ROCK2: variants seen among roughly 807,000 people sequenced by gnomAD.
The protein encoded by ROCK2 is rho-associated protein kinase 2.
In ROCK2, 61 loss-of-function variants were observed where a neutral mutation model predicts 195.1. The observed-to-expected ratio is 0.31, with a 90% confidence interval of 0.25 to 0.39. The LOEUF is 0.39. Ranked by LOEUF, ROCK2 falls within the 10% of genes least tolerant of loss-of-function variation. The pLI, the probability that ROCK2 is intolerant of heterozygous loss-of-function variation, is 1.00. For synonymous variants in ROCK2, 504 were observed against 545.5 expected, an observed-to-expected ratio of 0.92 and a Z score of 1.06; for missense variants, 1,109 against 1,637.4, an observed-to-expected ratio of 0.68 and a Z score of 5.57.
At chr2:11,340,065 C>T (rs936054416) in intron 1 of ROCK2, among the ~76,000 whole-genome samples, 2 of 152,188 alleles carry the variant, frequency 1.3e-5, no homozygotes, top group Non-Finnish European at 2.9e-5. Context: ...TATTTATTTA[C>T]AGCTACTGAA....
At chr2:11,199,219 T>C (rs546899075) in intron 23 of ROCK2, among the ~76,000 whole-genome samples, 42 of 152,280 alleles carry the variant, frequency 2.8e-4, no homozygotes, top group Middle Eastern at 6.8e-3. Context: ...GAAGTTTTAC[T>C]GTAAATTACG....
At chr2:11,185,168 T>C (rs1320914713) in intron 32 of ROCK2, among the ~76,000 whole-genome samples, 1 of 152,206 alleles carries the variant, frequency 6.6e-6, no homozygotes, top group Non-Finnish European at 1.5e-5. Context: ...AGTTTTTCCA[T>C]CATAGCACCA....
rs570776900 is a variant in ROCK2 at position 11,282,689 on chromosome 2, A to G, written c.324+3850T>C. 2.0e-5 allele frequency among the ~76,000 whole-genome samples: 3 copies of G among 151,896 alleles called. No homozygotes were observed. The East Asian group carries it at 5.8e-4, about 29-fold the overall frequency. Reference sequence around the variant, plus strand: ...AGAAAACCTAAATTATCTTGATTAGAGCAATGGTTTTTTAGATATAGCACC... The same window carrying G: ...AGAAAACCTAAATTATCTTGATTAGGGCAATGGTTTTTTAGATATAGCACC... On this transcript the variant is annotated intron_variant, in intron 3 of 32. Coordinates refer to ENST00000315872, the MANE Select transcript of ROCK2 (RefSeq NM_004850.5).
chr2:11,181,098 T>A lies in ROCK2; in HGVS notation c.*2339A>T, dbSNP rs1402581396. ...TCTAATATATACAGCATTCCAAATTTAAACTTTTGCCTTTTTTACTCAAAT... is the reference window on the plus strand; with the variant it reads ...TCTAATATATACAGCATTCCAAATTAAAACTTTTGCCTTTTTTACTCAAAT... On this transcript the variant is annotated 3_prime_UTR_variant, in exon 33 of 33. Transcript: ENST00000315872. The A allele has an allele frequency of 2.6e-5, 4 of 151,100 alleles. No homozygotes were observed. The highest frequency in any genetic ancestry group is 1.3e-4 in the Admixed American group (2 of 15,088). The allele number at this position is 151,100 out of a possible 1,614,324, so 9.4% of individuals were successfully genotyped here.
intron 1 of ROCK2, among the ~76,000 whole-genome samples, chr2:11,290,730 T>C (rs1031145211): frequency 6.6e-6 from 1 of 152,078 alleles, no homozygotes; most frequent in Non-Finnish European, 1.5e-5. Flanking sequence ...TGACTGATAA[T>C]TAAAAGGGCC....
At chr2:11,259,449 T>G (rs1666146576) in intron 3 of ROCK2, among the ~76,000 whole-genome samples, 1 of 150,604 alleles carries the variant, frequency 6.6e-6, no homozygotes, top group Non-Finnish European at 1.5e-5. Flanking sequence ...TTAAAATACT[T>G]CTGGATTCAA....
rs991188094 is a variant in ROCK2, at chr2:11,182,047, A to G, written c.*1390T>C. The G allele has an allele frequency of 2.6e-5, 4 of 152,092 alleles. No individual in the cohort carries two copies. Among genetic ancestry groups the G allele is most frequent in the African/African-American group, 7.2e-5 (3 of 41,426 alleles). 9.4% of individuals were successfully genotyped at this position (152,092 alleles called of 1,614,324 possible). On this transcript the variant is annotated 3_prime_UTR_variant, in exon 33 of 33. Coordinates refer to ENST00000315872, the MANE Select transcript of ROCK2 (RefSeq NM_004850.5). ...ACAAAAAAAAAACTTTACGCTTACC[A>G]TTGCTGCATATTGTTGCAGTATAAA...
chr2:11,200,485 G>A (rs758937896), intron 23 of ROCK2, among the ~76,000 whole-genome samples: 1 of 152,130 alleles, frequency 6.6e-6, no homozygotes, highest in Non-Finnish European at 1.5e-5. Context: ...TGTATGTGCA[G>A]AAATCTTTCT....
intron 3 of ROCK2, among the ~76,000 whole-genome samples, chr2:11,254,238 C>T (rs1384470930): frequency 1.3e-5 from 2 of 152,140 alleles, no homozygotes; most frequent in Non-Finnish European, 2.9e-5. Flanking sequence ...GTAAAATAAA[C>T]ACAAGACTGT....
At position 11,181,181 on chromosome 2, in the gene ROCK2, A is replaced by AATATATATATAT. The variant is rs71393855; in HGVS notation, c.*2244_*2255dup. 4.4e-5 allele frequency: 6 copies of AATATATATATAT among 136,160 alleles called. No homozygotes were observed. The highest frequency in any genetic ancestry group is 7.6e-5 in the Admixed American group (1 of 13,224). 8.4% of individuals were successfully genotyped at this position (136,160 alleles called of 1,614,324 possible). ...TTTCACCTTAATAAAGTTTATTAAA[A>AATATATATATAT]ATATATATATATATATATATATATA... is the stretch of plus-strand genomic sequence containing the variant. On this transcript the variant is annotated 3_prime_UTR_variant, in exon 33 of 33. Coordinates refer to ENST00000315872, the MANE Select transcript of ROCK2 (RefSeq NM_004850.5).
chr2:11,275,748 G>A (rs1367300968), intron 3 of ROCK2, among the ~76,000 whole-genome samples: 2 of 140,858 alleles, frequency 1.4e-5, no homozygotes, highest in East Asian at 4.1e-4. Flanking sequence ...CACCCAGGCT[G>A]GAGTACAGTG....
intron 1 of ROCK2, among the ~76,000 whole-genome samples, chr2:11,333,595 G>A (rs916898519): frequency 1.3e-5 from 2 of 152,146 alleles, no homozygotes; most frequent in South Asian, 2.1e-4. Context: ...AAACCAGAAT[G>A]CTTAATACCT....
At position 11,215,049 on chromosome 2, in the gene ROCK2, T is replaced by G; in HGVS notation, c.1727A>C (p.Asp576Ala). Residue 576 changes from aspartate to alanine, a missense_variant, in exon 16 of 33, where the codon GAT (aspartate) becomes GCT (alanine). Asp to Ala is a moderately radical substitution (Grantham distance 126, BLOSUM62 -2). Coordinates refer to ENST00000315872, the MANE Select transcript of ROCK2 (RefSeq NM_004850.5). ...GGTTTTCCTTAACCGGGCTGCAGTA[T>G]CAGACTCTGTTCGCAGTAAAGCATT... ...ETNALLRTES[D>A]TAARLRKTQA... 6.2e-7 allele frequency: 1 copy of G among 1,614,142 alleles called. No individual in the cohort carries two copies. Among genetic ancestry groups the G allele is most frequent in the Non-Finnish European group, 8.5e-7 (1 of 1,180,000 alleles).
rs929383426 is a variant in ROCK2, at chr2:11,201,202, T to C, written c.2724-59A>G. Reference sequence around the variant, plus strand: ...AGTTTTCACTATGAAGTGAAAGTTTTTGTCTAATTCACTTCATCAATAATT... The same window carrying C: ...AGTTTTCACTATGAAGTGAAAGTTTCTGTCTAATTCACTTCATCAATAATT... On this transcript the variant is annotated intron_variant, in intron 22 of 32. Coordinates refer to ENST00000315872, the MANE Select transcript of ROCK2 (RefSeq NM_004850.5). The surrounding 1 kb of genome is among the most constrained non-coding windows in gnomAD (Gnocchi z 4.6). The C allele has an allele frequency of 1.9e-6, 3 of 1,550,574 alleles. No individual in the cohort carries two copies. The highest frequency in any genetic ancestry group is 2.6e-6 in the Non-Finnish European group (3 of 1,142,012).
intron 32 of ROCK2, among the ~76,000 whole-genome samples, chr2:11,188,254 C>T (rs779435731): frequency 1.3e-4 from 20 of 151,756 alleles, no homozygotes; most frequent in Non-Finnish European, 1.9e-4. Context: ...GGATTACAGG[C>T]GCCTGACACC....
At chr2:11,276,773 A>T (rs1666841231) in intron 3 of ROCK2, among the ~76,000 whole-genome samples, 1 of 152,172 alleles carries the variant, frequency 6.6e-6, no homozygotes, top group South Asian at 2.1e-4. Context: ...GCTTGTCTGT[A>T]TGTGTACTGG....
chr2:11,211,531 C>A, intron 18 of ROCK2, 150 bp downstream of exon 18: 1 of 623,884 alleles, frequency 1.6e-6, no homozygotes, highest in Non-Finnish European at 2.5e-6. Context: ...AATAGAATAT[C>A]TATGTAAAGC....
At chr2:11,282,607 C>CAAAAAAAAAAAAAAAAAAAAAAAAAAA (rs70953381) in intron 3 of ROCK2, among the ~76,000 whole-genome samples, 21 of 123,352 alleles carry the variant, frequency 1.7e-4, no homozygotes, top group Non-Finnish European at 3.1e-4. Context: ...TATCTACATG[C>CAAAAAAAAAAAAAAAAAAAAAAAAAAA]AAAAAAAAAA....
At chr2:11,291,908 AG>A (rs1181733820) in intron 1 of ROCK2, among the ~76,000 whole-genome samples, 1 of 152,114 alleles carries the variant, frequency 6.6e-6, no homozygotes, top group Non-Finnish European at 1.5e-5. Context: ...CATTTTTTTG[AG>A]GAGGGAAATC....
Sources: gnomAD v4.1 joint callset for allele counts (sites outside exome capture counted in the v4.1 genomes callset) on GRCh38, gnomAD v4.1.1 for gene constraint, Gnocchi (gnomAD v3.1) non-coding constraint, MANE v1.5 for transcripts, NCBI Gene and HGNC (gene_info 2026-07-23, HGNC 2026-07-21) for gene names.